Variants in EPHA6 observed in about 807,000 individuals in gnomAD.
EPHA6 encodes ephrin type-A receptor 6.
Under a neutral mutation model 112.0 loss-of-function variants are expected in EPHA6, and 50 were observed. The observed-to-expected ratio is 0.45, with a 90% CI of 0.36 to 0.56. The LOEUF (loss-of-function observed/expected upper bound fraction) is 0.56. Ranked by LOEUF, EPHA6 falls within the 20% of genes least tolerant of loss-of-function variation. EPHA6 has a pLI of 0.00. For missense variants in EPHA6, 1,280 were observed against 1,417.4 expected (o/e 0.90, Z 1.56); for synonymous variants, 529 against 490.7 (o/e 1.08, Z -1.03).
intron 6 of EPHA6, among the ~76,000 whole-genome samples, chr3:97,412,040 G>T (rs2087753551): frequency 6.6e-6 from 1 of 151,998 alleles, no homozygotes; most frequent in Non-Finnish European, 1.5e-5. Flanking sequence ...AAGTCAAAGG[G>T]TGATCTTTCT....
chr3:97,355,134 A>G (rs1225175553), intron 5 of EPHA6, among the ~76,000 whole-genome samples: 2 of 152,188 alleles, frequency 1.3e-5, no homozygotes, highest in Admixed American at 1.3e-4. Context: ...TCAGTCTAAA[A>G]GAAGAGGACA....
chr3:96,858,363 C>A (rs2035817532), intron 1 of EPHA6, among the ~76,000 whole-genome samples: 1 of 152,070 alleles, frequency 6.6e-6, no homozygotes, highest in South Asian at 2.1e-4. Flanking sequence ...TATGACTTGA[C>A]CAAGCATACA....
intron 3 of EPHA6, among the ~76,000 whole-genome samples, chr3:97,141,053 T>C (rs1035278609): frequency 4.6e-5 from 7 of 151,956 alleles, no homozygotes; most frequent in Admixed American, 3.9e-4. Flanking sequence ...AAACAGACAT[T>C]AAATCAACAA....
chr3:97,077,392 C>CTA (rs56830256), intron 3 of EPHA6, among the ~76,000 whole-genome samples: 2,915 of 149,758 alleles, frequency 0.019, 49 homozygotes, highest in African/African-American at 0.047. Flanking sequence ...CAGATGCAAT[C>CTA]TATATATATA....
At chr3:96,964,973 G>A (rs2042072696) in intron 2 of EPHA6, among the ~76,000 whole-genome samples, 1 of 152,094 alleles carries the variant, frequency 6.6e-6, no homozygotes, top group Non-Finnish European at 1.5e-5. Context: ...AAAATTCAGA[G>A]AGACTCCAGG....
chr3:97,374,342 A>G (rs186208209), intron 5 of EPHA6, among the ~76,000 whole-genome samples: 40 of 152,116 alleles, frequency 2.6e-4, no homozygotes, highest in African/African-American at 8.9e-4. Flanking sequence ...CAGTTGCCAA[A>G]TTACCATCTT....
intron 1 of EPHA6, among the ~76,000 whole-genome samples, chr3:96,829,943 G>GCGCA (rs2033921692): frequency 2.1e-5 from 2 of 94,604 alleles, no homozygotes; most frequent in South Asian, 4.5e-4. Context: ...GCATGTGCGC[G>GCGCA]CGCGCGCACA....
At chr3:97,315,962 A>G (rs778557317) in intron 5 of EPHA6, among the ~76,000 whole-genome samples, 1 of 151,934 alleles carries the variant, frequency 6.6e-6, no homozygotes, top group Non-Finnish European at 1.5e-5. Flanking sequence ...ATCTTTCATT[A>G]AAGTCAGGCC....
chr3:96,994,726 T>TAGAGAG (rs1283627504), intron 3 of EPHA6, among the ~76,000 whole-genome samples: 2 of 78,290 alleles, frequency 2.6e-5, no homozygotes, highest in African/African-American at 6.9e-5. Flanking sequence ...TATATATATA[T>TAGAGAG]ATATATAGAG....
intron 10 of EPHA6, among the ~76,000 whole-genome samples, chr3:97,491,732 G>A (rs77303504): frequency 0.054 from 8,178 of 151,546 alleles, 276 homozygotes; most frequent in Admixed American, 0.075. Flanking sequence ...TCATCCCCAG[G>A]CCTACTTGCA....
At chr3:97,239,659 C>T (rs2078784267) in intron 4 of EPHA6, among the ~76,000 whole-genome samples, 1 of 151,702 alleles carries the variant, frequency 6.6e-6, no homozygotes, top group Non-Finnish European at 1.5e-5. Flanking sequence ...CCCTCATTGT[C>T]TTCAGGTTGA....
chr3:97,373,598 A>G (rs1005484309), intron 5 of EPHA6, among the ~76,000 whole-genome samples: 3 of 152,160 alleles, frequency 2.0e-5, no homozygotes, highest in Non-Finnish European at 4.4e-5. Flanking sequence ...TTCATCAGCC[A>G]TAAAGTCAGT....
At chr3:96,932,724 C>G (rs980442983) in intron 2 of EPHA6, among the ~76,000 whole-genome samples, 2 of 152,128 alleles carry the variant, frequency 1.3e-5, no homozygotes, top group Middle Eastern at 3.4e-3. Context: ...AGATGGTGGA[C>G]TATAATCACA....
chr3:96,893,636 C>T (rs1203846324), intron 2 of EPHA6, among the ~76,000 whole-genome samples: 1 of 152,116 alleles, frequency 6.6e-6, no homozygotes, highest in Non-Finnish European at 1.5e-5. Flanking sequence ...AGTATCTGCT[C>T]ATTGAAAGCA....
chr3:97,301,226 T>C (rs951360258), intron 5 of EPHA6, among the ~76,000 whole-genome samples: 6 of 152,118 alleles, frequency 3.9e-5, no homozygotes, highest in Non-Finnish European at 8.8e-5. Context: ...CTTCAAATAT[T>C]TTCCATTTTC....
intron 11 of EPHA6, among the ~76,000 whole-genome samples, chr3:97,589,883 C>A (rs778474110): frequency 6.6e-6 from 1 of 152,138 alleles, no homozygotes; most frequent in African/African-American, 2.4e-5. Context: ...TTTTTAGCTA[C>A]AATATCATTG....
chr3:97,093,832 C>T (rs187633025), intron 3 of EPHA6, among the ~76,000 whole-genome samples: 11 of 152,214 alleles, frequency 7.2e-5, no homozygotes, highest in African/African-American at 1.9e-4. Flanking sequence ...CTATTTATGA[C>T]CTTTTTAAAT....
intron 10 of EPHA6, among the ~76,000 whole-genome samples, chr3:97,521,460 A>G (rs1242660802): frequency 2.6e-5 from 4 of 152,166 alleles, no homozygotes; most frequent in African/African-American, 9.7e-5. Flanking sequence ...TGGAAGAGGA[A>G]GTAAATATGT....
At chr3:96,873,136 G>A (rs577939288) in intron 2 of EPHA6, among the ~76,000 whole-genome samples, 36 of 151,808 alleles carry the variant, frequency 2.4e-4, no homozygotes, top group Non-Finnish European at 4.6e-4. Context: ...GGCATGGTGG[G>A]TACCTGTAAT....
Sources: gnomAD v4.1 joint callset for allele counts (sites outside exome capture counted in the v4.1 genomes callset) on GRCh38, gnomAD v4.1.1 for gene constraint, MANE v1.5 for transcripts, NCBI Gene and HGNC (gene_info 2026-07-23, HGNC 2026-07-21) for gene names.